The following SLC17A1 variants were observed in gnomAD, a reference collection of about 807,000 sequenced individuals.
SLC17A1 encodes solute carrier family 17 member 1, also known as sodium-dependent phosphate transport protein 1.
SLC17A1 carries 51 observed loss-of-function variants against 53.5 expected under a neutral mutation model. The ratio of observed to expected loss-of-function variants is 0.95; its 90% CI spans 0.76 to 1.20. SLC17A1 has a LOEUF of 1.20. SLC17A1 is among the 50% of genes most tolerant of loss of function. The pLI, the probability that SLC17A1 is intolerant of heterozygous loss-of-function variation, is 0.00. For missense variants in SLC17A1, 538 were observed against 568.2 expected (o/e 0.95, Z 0.54); for synonymous variants, 179 against 198.8 (o/e 0.90, Z 0.84).
the SLC17A1 span, chr6:25,726,510 C>T: frequency 1.9e-6 from 3 of 1,610,550 alleles, no homozygotes; most frequent in Non-Finnish European, 2.5e-6. Context: ...TTCCTCCCTG[C>T]TTCCCTCGTC....
the SLC17A1 span, among the ~76,000 whole-genome samples, chr6:25,755,117 T>C: frequency 1.2e-4 from 17 of 136,704 alleles, no homozygotes; most frequent in African/African-American, 4.4e-4. Context: ...AGACAGAAAC[T>C]AAATGATATA....
chr6:25,728,379 T>G, the SLC17A1 span, among the ~76,000 whole-genome samples: 1 of 152,204 alleles, frequency 6.6e-6, no homozygotes, highest in East Asian at 1.9e-4. Context: ...ATTAAACTGA[T>G]TTCAGCCACC....
rs1243422723 is a variant in SLC17A1 at position 25,811,562 on chromosome 6, A to G, written c.1031-17T>C. ...GGAGAAATCCTGGGGAGTGATTCAG[A>G]CAACATAGTCAGGTGCATCCTAAAG... On this transcript the variant is annotated splice_polypyrimidine_tract_variant and intron_variant, in intron 9 of 12. Coordinates refer to ENST00000244527, the MANE Select transcript of SLC17A1 (RefSeq NM_005074.5). 1.9e-6 allele frequency: 3 copies of G among 1,613,778 alleles called. No homozygotes were observed. The highest frequency in any genetic ancestry group is 1.1e-5 in the South Asian group (1 of 91,064).
the SLC17A1 span, among the ~76,000 whole-genome samples, chr6:25,734,096 G>A: frequency 1.1e-4 from 17 of 152,020 alleles, no homozygotes; most frequent in South Asian, 6.2e-4. Context: ...GATTACAAGG[G>A]TGAGCCACTG....
At chr6:25,829,661 AAAG>A (rs1764876025) in intron 2 of SLC17A1, among the ~76,000 whole-genome samples, 1 of 152,320 alleles carries the variant, frequency 6.6e-6, no homozygotes, top group African/African-American at 2.4e-5. Flanking sequence ...TTTAAGTTAA[AAAG>A]AAGACCACAG....
chr6:25,758,337 C>A, the SLC17A1 span, among the ~76,000 whole-genome samples: 1 of 152,196 alleles, frequency 6.6e-6, no homozygotes, highest in Non-Finnish European at 1.5e-5. Flanking sequence ...ACATTCTCAC[C>A]TTTTTCATCT....
the SLC17A1 span, among the ~76,000 whole-genome samples, chr6:25,740,430 T>C: frequency 6.6e-6 from 1 of 152,302 alleles, no homozygotes; most frequent in East Asian, 1.9e-4. Flanking sequence ...TATTGATTAA[T>C]ATAAGTTATT....
chr6:25,752,959 CA>C, the SLC17A1 span, among the ~76,000 whole-genome samples: 27,636 of 146,080 alleles, frequency 0.19, 2,942 homozygotes, highest in Non-Finnish European at 0.22. Flanking sequence ...CTCAAAAAAA[CA>C]AAAAAAAACA....
chr6:25,770,886 G>A, the SLC17A1 span: 10 of 1,498,712 alleles, frequency 6.7e-6, no homozygotes, highest in Middle Eastern at 1.7e-4. Flanking sequence ...GCCCCAAGAC[G>A]AGTCCTCTCA....
the SLC17A1 span, chr6:25,726,083 C>T: frequency 2.0e-6 from 3 of 1,472,318 alleles, no homozygotes; most frequent in Non-Finnish European, 2.7e-6. Flanking sequence ...TGAAAAGAGC[C>T]TTTTGTTTTT....
At chr6:25,726,164 C>CAA in the SLC17A1 span, 1 of 1,570,828 alleles carries the variant, frequency 6.4e-7, no homozygotes, top group Non-Finnish European at 8.6e-7. Context: ...TGGTGACTCT[C>CAA]AGTCTTCTTG....
At chr6:25,772,798 C>T in the SLC17A1 span, among the ~76,000 whole-genome samples, 396 of 152,272 alleles carry the variant, frequency 2.6e-3, 2 homozygotes, top group Non-Finnish European at 5.3e-3. Flanking sequence ...TTTTCAAGCA[C>T]GTGGGGCAAA....
intron 3 of SLC17A1, among the ~76,000 whole-genome samples, chr6:25,821,647 C>A (rs1764566313): frequency 2.6e-5 from 4 of 152,310 alleles, no homozygotes; most frequent in African/African-American, 9.6e-5. Context: ...TTAAAGCCAT[C>A]ACTCTCCACA....
chr6:25,779,484 G>C, downstream of SLC17A1: 1 of 278,206 alleles, frequency 3.6e-6, no homozygotes, highest in Non-Finnish European at 6.7e-6. Context: ...AAAAGAGGAA[G>C]CCAGACCTTG....
intron 6 of SLC17A1, among the ~76,000 whole-genome samples, chr6:25,814,990 AACAC>A (rs56723023): frequency 0.02 from 1,010 of 51,536 alleles, 6 homozygotes; most frequent in Middle Eastern, 0.043. Context: ...CTGTCACACA[AACAC>A]ACACACACAC....
At chr6:25,798,173 G>A (rs936407546) in intron 12 of SLC17A1, among the ~76,000 whole-genome samples, 1 of 152,130 alleles carries the variant, frequency 6.6e-6, no homozygotes, top group Non-Finnish European at 1.5e-5. Flanking sequence ...GCAAAATAAG[G>A]ACATTCTGCA....
At chr6:25,775,579 G>A in the SLC17A1 span, among the ~76,000 whole-genome samples, 2 of 152,058 alleles carry the variant, frequency 1.3e-5, no homozygotes, top group East Asian at 2.0e-4. Flanking sequence ...GGGACCACAG[G>A]CGTGTACCAC....
chr6:25,798,627 G>T lies in SLC17A1; in HGVS notation c.*2+156C>A, dbSNP rs980178132. On this transcript the variant is annotated intron_variant, in intron 12 of 12. Coordinates refer to ENST00000244527, the MANE Select transcript of SLC17A1 (RefSeq NM_005074.5). ...CTTAGCATCCCCACAGAGTCCCACA[G>T]CCATTTCAGGATGTCTAATATTCTC... 15 of 558,722 alleles carry T rather than the reference G, an allele frequency of 2.7e-5. No individual in the cohort carries two copies. The Admixed American group carries it at 5.3e-4, about 20-fold the overall frequency. The allele number at this position is 558,722 out of a possible 1,614,324, so 34.6% of individuals were successfully genotyped here.
the SLC17A1 span, among the ~76,000 whole-genome samples, chr6:25,766,195 T>G: frequency 6.6e-6 from 1 of 151,028 alleles, no homozygotes; most frequent in African/African-American, 2.4e-5. Context: ...TGTTTCTAAT[T>G]TATAAATATG....
Sources: allele counts gnomAD v4.1 joint callset (sites outside exome capture counted in the v4.1 genomes callset), GRCh38; gene constraint gnomAD v4.1.1; transcripts MANE v1.5; gene names NCBI Gene and HGNC (gene_info 2026-07-23, HGNC 2026-07-21).